EFHD1: variants seen among roughly 807,000 people sequenced by gnomAD.
The protein encoded by EFHD1 is EF-hand domain family member D1, also known as EF-hand domain-containing protein D1.
Under a neutral mutation model 17.2 loss-of-function variants are expected in EFHD1, and 10 were observed. The observed-to-expected ratio is 0.58, with a 90% confidence interval of 0.36 to 0.99. EFHD1 has a LOEUF of 0.99. Ranked by LOEUF, EFHD1 falls within the 50% of genes least tolerant of loss-of-function variation. The pLI is 0.01. For synonymous variants in EFHD1, 153 were observed against 142.0 expected, an observed-to-expected ratio of 1.08 and a Z score of -0.55; for missense variants, 310 against 327.5, an observed-to-expected ratio of 0.95 and a Z score of 0.41.
intron 2 of EFHD1, among the ~76,000 whole-genome samples, chr2:232,667,097 T>C (rs1373355011): frequency 6.6e-6 from 1 of 152,198 alleles, no homozygotes; most frequent in African/African-American, 2.4e-5. Flanking sequence ...ACCTTGTTCT[T>C]GCACTTCCAG....
intron 1 of EFHD1, among the ~76,000 whole-genome samples, chr2:232,637,883 G>T (rs1694346886): frequency 6.6e-6 from 1 of 152,144 alleles, no homozygotes; most frequent in African/African-American, 2.4e-5. Context: ...AAAAAAACTG[G>T]ATCCTTCCCA....
intron 3 of EFHD1, among the ~76,000 whole-genome samples, chr2:232,681,160 T>A (rs1695275177): frequency 6.6e-6 from 1 of 151,548 alleles, no homozygotes; most frequent in Admixed American, 6.6e-5. Context: ...CATCTCAAAA[T>A]AAATAAATAA....
intron 3 of EFHD1, among the ~76,000 whole-genome samples, chr2:232,672,823 A>C (rs1360094091): frequency 6.6e-6 from 1 of 152,150 alleles, no homozygotes; most frequent in African/African-American, 2.4e-5. Flanking sequence ...TTATTCTGGA[A>C]GCTTGCCCAG....
chr2:232,652,508 AAGC>A (rs1434762662), intron 1 of EFHD1, among the ~76,000 whole-genome samples: 1 of 152,074 alleles, frequency 6.6e-6, no homozygotes, highest in Admixed American at 6.6e-5. Context: ...ACCATCTCTG[AAGC>A]GGGGCTACTA....
At chr2:232,621,061 A>C (rs1694009234) in intron 1 of EFHD1, among the ~76,000 whole-genome samples, 1 of 152,310 alleles carries the variant, frequency 6.6e-6, no homozygotes, top group Admixed American at 6.5e-5. Flanking sequence ...GCTAAGGCCA[A>C]GGTTTTCCAA....
intron 1 of EFHD1, among the ~76,000 whole-genome samples, chr2:232,616,338 G>T (rs1165149511): frequency 2.0e-5 from 3 of 151,530 alleles, no homozygotes; most frequent in African/African-American, 7.3e-5. Context: ...TCACTCTGTC[G>T]CCCAAGCTGG....
chr2:232,648,215 G>A (rs1694569482), intron 1 of EFHD1, among the ~76,000 whole-genome samples: 1 of 152,156 alleles, frequency 6.6e-6, no homozygotes, highest in South Asian at 2.1e-4. Flanking sequence ...TGCAGTGAGT[G>A]AATAAGCCGA....
intron 1 of EFHD1, among the ~76,000 whole-genome samples, chr2:232,658,566 C>G (rs138084334): frequency 1.5e-4 from 23 of 152,194 alleles, no homozygotes; most frequent in African/African-American, 5.1e-4. Flanking sequence ...TGTATATGAA[C>G]GTTCAAAGCA....
chr2:232,652,958 T>G (rs777478808), intron 1 of EFHD1, among the ~76,000 whole-genome samples: 22 of 152,210 alleles, frequency 1.4e-4, no homozygotes, highest in Admixed American at 3.9e-4. Flanking sequence ...TTTATTATTT[T>G]TTTTCTTTTT....
At chr2:232,656,772 T>C (rs1377105155) in intron 1 of EFHD1, among the ~76,000 whole-genome samples, 3 of 152,060 alleles carry the variant, frequency 2.0e-5, no homozygotes, top group East Asian at 3.9e-4. Flanking sequence ...TGGTGAGATA[T>C]ACATAATGTG....
chr2:232,681,838 CCCCGTGCCAGCT>C lies in EFHD1; in HGVS notation c.*131_*142del. On this transcript the variant is annotated 3_prime_UTR_variant, in exon 4 of 4. Coordinates refer to ENST00000264059, the MANE Select transcript of EFHD1 (RefSeq NM_025202.4). ...CCTGAGCCAGCATCTCCATCCACCA[CCCCGTGCCAGCT>C]CCCGTGCCAGCCTTCATTCCTCCCA... 7.0e-7 allele frequency: 1 copy of C among 1,421,590 alleles called. No homozygotes were observed. The highest frequency in any genetic ancestry group is 1.4e-5 in the South Asian group (1 of 69,946). 88.1% of individuals were successfully genotyped at this position (1,421,590 alleles called of 1,614,324 possible). A position where few individuals can be genotyped will look rare whatever the true frequency, so the allele number is the denominator to read the frequency against.
chr2:232,634,030 C>A (rs1015853216), intron 1 of EFHD1, 24 bp downstream of exon 1: 3 of 1,596,008 alleles, frequency 1.9e-6, no homozygotes, highest in Non-Finnish European at 2.5e-6. Context: ...GCGCGCCCTT[C>A]GCCCCCGGGA....
At chr2:232,627,034 C>CTATA (rs1169218389) in intron 1 of EFHD1, among the ~76,000 whole-genome samples, 6 of 64,182 alleles carry the variant, frequency 9.3e-5, no homozygotes, top group Admixed American at 5.3e-4. Context: ...CTCTCTCTCT[C>CTATA]TCTATATATA....
rs1485318550 is a variant in EFHD1 at position 232,682,508 on chromosome 2, T to C, written c.*789T>C. The C allele has an allele frequency of 6.6e-6, 1 of 152,238 alleles. No homozygotes were observed. The highest frequency in any genetic ancestry group is 1.5e-5 in the Non-Finnish European group (1 of 68,060). 9.4% of individuals were successfully genotyped at this position (152,238 alleles called of 1,614,324 possible). A position where few individuals can be genotyped will look rare whatever the true frequency, so the allele number is the denominator to read the frequency against. ...CACTCTGACTCTGTGCAAATTGTAT[T>C]ACAGTAGACCGCTGACGTTCCCAAG... On this transcript the variant is annotated 3_prime_UTR_variant, in exon 4 of 4. Coordinates refer to ENST00000264059, the MANE Select transcript of EFHD1 (RefSeq NM_025202.4).
intron 3 of EFHD1, among the ~76,000 whole-genome samples, chr2:232,680,711 G>C (rs954130242): frequency 6.6e-6 from 1 of 152,116 alleles, no homozygotes; most frequent in African/African-American, 2.4e-5. Context: ...ATTTCACCAT[G>C]TTGGCCAGGC....
chr2:232,626,678 G>A (rs1439533713), intron 1 of EFHD1, among the ~76,000 whole-genome samples: 1 of 152,108 alleles, frequency 6.6e-6, no homozygotes, highest in East Asian at 1.9e-4. Flanking sequence ...TAGTCATCTT[G>A]AGAAAAGCAT....
chr2:232,666,611 G>T (rs899008385), intron 2 of EFHD1, among the ~76,000 whole-genome samples: 2 of 152,180 alleles, frequency 1.3e-5, no homozygotes, highest in Non-Finnish European at 2.9e-5. Flanking sequence ...CTAGCTGCTG[G>T]TTTGGCCAGC....
At chr2:232,648,847 T>A (rs1694582812) in intron 1 of EFHD1, among the ~76,000 whole-genome samples, 1 of 152,102 alleles carries the variant, frequency 6.6e-6, no homozygotes, top group South Asian at 2.1e-4. Flanking sequence ...AATGCGTGAT[T>A]TCTATTCCAA....
At chr2:232,630,416 T>C (rs1030752109), upstream of EFHD1, among the ~76,000 whole-genome samples, 2 of 152,204 alleles carry the variant, frequency 1.3e-5, no homozygotes, top group African/African-American at 2.4e-5. Context: ...TGGTGAATAC[T>C]GTGGGCCTGT....
Sources: gnomAD v4.1 joint callset for allele counts (sites outside exome capture counted in the v4.1 genomes callset) on GRCh38, gnomAD v4.1.1 for gene constraint, MANE v1.5 for transcripts, NCBI Gene and HGNC (gene_info 2026-07-23, HGNC 2026-07-21) for gene names.